Variants in RGS8 observed in about 807,000 individuals in gnomAD.
The protein encoded by RGS8 is regulator of G protein signaling 8.
In RGS8, 8 loss-of-function variants were observed where a neutral mutation model predicts 21.7. The observed-to-expected ratio is 0.37, with a 90% CI of 0.22 to 0.66. The LOEUF (loss-of-function observed/expected upper bound fraction) is 0.66, where lower values mean the gene tolerates loss of function less well. Among genes scored for constraint, RGS8 ranks in the 30% least tolerant of loss-of-function variants. RGS8 has a pLI of 0.59. For synonymous variants in RGS8, 80 were observed against 83.6 expected (o/e 0.96, Z 0.24); for missense variants, 157 against 217.9 (o/e 0.72, Z 1.76).
At chr1:182,719,122 T>A in the RGS8 span, among the ~76,000 whole-genome samples, 4 of 152,292 alleles carry the variant, frequency 2.6e-5, no homozygotes, top group South Asian at 6.2e-4. Context: ...GTCCCAGGTA[T>A]CCCATTATTC....
At chr1:182,660,912 T>C (rs1204166497) in intron 5 of RGS8, among the ~76,000 whole-genome samples, 1 of 151,880 alleles carries the variant, frequency 6.6e-6, no homozygotes, top group Non-Finnish European at 1.5e-5. Context: ...GCTGCCTCCC[T>C]TGGACACCAC....
At chr1:182,689,655 A>G in the RGS8 span, among the ~76,000 whole-genome samples, 1 of 152,236 alleles carries the variant, frequency 6.6e-6, no homozygotes, top group Non-Finnish European at 1.5e-5. Flanking sequence ...AGAAGATTCC[A>G]GGTAGACAGA....
At chr1:182,712,788 C>G in the RGS8 span, 1 of 152,172 alleles carries the variant, frequency 6.6e-6, no homozygotes, top group Non-Finnish European at 1.5e-5. Flanking sequence ...CTGAGGAAAT[C>G]AATCATTCTA....
chr1:182,661,312 A>C (rs984672327), intron 5 of RGS8, among the ~76,000 whole-genome samples: 5 of 152,150 alleles, frequency 3.3e-5, no homozygotes, highest in African/African-American at 1.2e-4. Flanking sequence ...TAGGTCAGGG[A>C]GACCCTCCAT....
At chr1:182,751,059 A>G in the RGS8 span, among the ~76,000 whole-genome samples, 2 of 152,270 alleles carry the variant, frequency 1.3e-5, no homozygotes, top group African/African-American at 4.8e-5. Context: ...AGGGAATGTC[A>G]TGAAAATGAA....
the RGS8 span, among the ~76,000 whole-genome samples, chr1:182,726,098 A>G: frequency 6.6e-6 from 1 of 150,494 alleles, no homozygotes; most frequent in Admixed American, 6.7e-5. Context: ...AGCGGCTTGC[A>G]GTTTGCAGTT....
At chr1:182,739,752 G>C in the RGS8 span, among the ~76,000 whole-genome samples, 11 of 152,054 alleles carry the variant, frequency 7.2e-5, no homozygotes, top group East Asian at 1.9e-3. Context: ...CCAGCCAGCG[G>C]GCAGCCCACC....
At chr1:182,657,056 G>A (rs1472944597) in intron 5 of RGS8, among the ~76,000 whole-genome samples, 1 of 152,234 alleles carries the variant, frequency 6.6e-6, no homozygotes, top group Non-Finnish European at 1.5e-5. Context: ...GATGGCAGCA[G>A]CGGGCTTCTG....
At chr1:182,679,808 C>T (rs1202040303) in intron 1 of RGS8, among the ~76,000 whole-genome samples, 3 of 152,040 alleles carry the variant, frequency 2.0e-5, no homozygotes, top group Non-Finnish European at 2.9e-5. Flanking sequence ...GCCCTCACCA[C>T]GCCCACCTCC....
At chr1:182,654,812 T>C (rs1309472145) in intron 5 of RGS8, among the ~76,000 whole-genome samples, 1 of 152,164 alleles carries the variant, frequency 6.6e-6, no homozygotes, top group Non-Finnish European at 1.5e-5. Context: ...TGATGGTGCA[T>C]CTATTATTCA....
downstream of RGS8, chr1:182,643,333 C>CCCCCCCCCG (rs1320966882): frequency 8.7e-5 from 11 of 126,414 alleles, no homozygotes; most frequent in African/African-American, 2.9e-4. Context: ...GCCCCCCCGC[C>CCCCCCCCCG]CCCGCGCTGT....
At chr1:182,718,931 G>A in the RGS8 span, among the ~76,000 whole-genome samples, 1 of 152,142 alleles carries the variant, frequency 6.6e-6, no homozygotes, top group South Asian at 2.1e-4. Context: ...GATGGAAATG[G>A]GACATTTTAA....
At chr1:182,648,373 A>T in intron 5 of RGS8, 70 bp from the exon 7 acceptor site, 1 of 1,513,806 alleles carries the variant, frequency 6.6e-7, no homozygotes, top group South Asian at 1.2e-5. Flanking sequence ...TAGAAGAAAG[A>T]AAGGAAGTAA....
the RGS8 span, among the ~76,000 whole-genome samples, chr1:182,707,737 C>A: frequency 6.6e-6 from 1 of 152,074 alleles, no homozygotes; most frequent in African/African-American, 2.4e-5. Flanking sequence ...GAGATGGAGT[C>A]GCTCTGTCGC....
chr1:182,744,183 G>A, the RGS8 span, among the ~76,000 whole-genome samples: 6 of 152,024 alleles, frequency 3.9e-5, no homozygotes, highest in South Asian at 1.0e-3. Context: ...TTTGAGACAG[G>A]GTCTTACTCT....
upstream of RGS8, among the ~76,000 whole-genome samples, chr1:182,677,575 T>C (rs1454975277): frequency 6.6e-6 from 1 of 152,198 alleles, no homozygotes; most frequent in Non-Finnish European, 1.5e-5. Flanking sequence ...GACAAAAATG[T>C]ATAAGATAGC....
intron 2 of RGS8, among the ~76,000 whole-genome samples, chr1:182,671,033 G>A (rs1369464703): frequency 3.3e-5 from 5 of 152,140 alleles, no homozygotes; most frequent in South Asian, 2.1e-4. Flanking sequence ...AACCAGAGAC[G>A]ACTACCCACC....
At chr1:182,751,535 T>C in the RGS8 span, among the ~76,000 whole-genome samples, 2 of 152,184 alleles carry the variant, frequency 1.3e-5, no homozygotes, top group Admixed American at 6.5e-5. Flanking sequence ...GGGGTTCATT[T>C]TCCCTGTCTT....
chr1:182,716,087 A>G, the RGS8 span, among the ~76,000 whole-genome samples: 1 of 151,876 alleles, frequency 6.6e-6, no homozygotes, highest in African/African-American at 2.4e-5. Context: ...ACCTAATACA[A>G]TATAAATGGA....
Sources: allele counts gnomAD v4.1 joint callset (sites outside exome capture counted in the v4.1 genomes callset), GRCh38; gene constraint gnomAD v4.1.1; transcripts MANE v1.5; gene names NCBI Gene and HGNC (gene_info 2026-07-23, HGNC 2026-07-21).